ZBTB7C: variants seen among roughly 807,000 people sequenced by gnomAD.
ZBTB7C encodes zinc finger and BTB domain containing 7C.
A neutral mutation model predicts 25.7 loss-of-function variants in ZBTB7C; 8 were observed. The observed-to-expected ratio is 0.31, with a 90% CI of 0.18 to 0.56. The LOEUF (loss-of-function observed/expected upper bound fraction) is 0.56. Among genes scored for constraint, ZBTB7C ranks in the 20% least tolerant of loss-of-function variants. The pLI, the probability that ZBTB7C is intolerant of heterozygous loss-of-function variation, is 0.91. For synonymous variants in ZBTB7C, 394 were observed against 369.0 expected (o/e 1.07, Z -0.78); for missense variants, 824 against 855.2 (o/e 0.96, Z 0.46).
chr18:48,373,275 T>C (rs1197568319), intron 1 of ZBTB7C, among the ~76,000 whole-genome samples: 1 of 151,832 alleles, frequency 6.6e-6, no homozygotes, highest in Admixed American at 6.6e-5. Flanking sequence ...TTAAAAGGTG[T>C]GGCACCTCCT....
chr18:48,390,580 C>T (rs932383147), intron 1 of ZBTB7C, among the ~76,000 whole-genome samples: 9 of 152,224 alleles, frequency 5.9e-5, no homozygotes, highest in African/African-American at 1.4e-4. Flanking sequence ...TGATGATTTC[C>T]TGTCTGTCAC....
intron 2 of ZBTB7C, among the ~76,000 whole-genome samples, chr18:48,221,707 G>A (rs1043628640): frequency 1.4e-5 from 2 of 140,568 alleles, no homozygotes; most frequent in Non-Finnish European, 3.0e-5. Context: ...TCCCTATACT[G>A]TCCAAGTCTC....
intron 2 of ZBTB7C, among the ~76,000 whole-genome samples, chr18:48,263,049 C>G (rs2044215706): frequency 6.6e-6 from 1 of 152,242 alleles, no homozygotes; most frequent in South Asian, 2.1e-4. Flanking sequence ...CTGTTCCTCT[C>G]TGGCCTAGAG....
intron 1 of ZBTB7C, among the ~76,000 whole-genome samples, chr18:48,395,401 G>C (rs2048006148): frequency 7.8e-6 from 1 of 127,984 alleles, no homozygotes. Flanking sequence ...GTGTGTGTGT[G>C]TCAGAGGGGT....
chr18:48,325,817 C>T (rs1366448660), intron 2 of ZBTB7C, among the ~76,000 whole-genome samples: 2 of 152,136 alleles, frequency 1.3e-5, no homozygotes, highest in Non-Finnish European at 2.9e-5. Context: ...TGGAGGGTCA[C>T]TTAGTTCACC....
rs888570650 is a variant in ZBTB7C at position 48,027,507 on chromosome 18, G to T, written c.*1753C>A. On this transcript the variant is annotated 3_prime_UTR_variant, in exon 5 of 5. Transcript: ENST00000590800. ...AAACGAAGACAGGAATCTGAGAGGCGGCTGCCCAGGCAGATGACTTCTGAG... is the reference window on the plus strand; with the variant it reads ...AAACGAAGACAGGAATCTGAGAGGCTGCTGCCCAGGCAGATGACTTCTGAG... The T allele has an allele frequency of 4.6e-5, 7 of 152,200 alleles. No homozygotes were observed. The highest frequency in any genetic ancestry group is 1.7e-4 in the African/African-American group (7 of 41,442). The allele number at this position is 152,200 out of a possible 1,614,324, so 9.4% of individuals were successfully genotyped here. A position where few individuals can be genotyped will look rare whatever the true frequency, so the allele number is the denominator to read the frequency against.
rs1382998754 is a variant in ZBTB7C, at chr18:48,026,766, T to G, written c.*2494A>C. 6.6e-6 allele frequency: 1 copy of G among 151,882 alleles called. No individual in the cohort carries two copies. Among genetic ancestry groups the G allele is most frequent in the Non-Finnish European group, 1.5e-5 (1 of 67,962 alleles). 9.4% of individuals were successfully genotyped at this position (151,882 alleles called of 1,614,324 possible). On this transcript the variant is annotated 3_prime_UTR_variant, in exon 5 of 5. Transcript: ENST00000590800. ...TTTTTTTTTTCTTTGTTAAGGTGTC[T>G]TTGACATTATTTTAAGTTTATGACA...
chr18:48,268,242 T>G (rs1290440165), intron 2 of ZBTB7C, among the ~76,000 whole-genome samples: 1 of 152,194 alleles, frequency 6.6e-6, no homozygotes, highest in Non-Finnish European at 1.5e-5. Flanking sequence ...ATTTATTAAT[T>G]TATTCACTAT....
chr18:48,054,671 G>T (rs138260476), intron 3 of ZBTB7C, among the ~76,000 whole-genome samples: 1 of 152,198 alleles, frequency 6.6e-6, no homozygotes, highest in African/African-American at 2.4e-5. Context: ...CACGAGAACC[G>T]CCTGGCATTT....
At chr18:48,188,265 T>G (rs1242727148) in intron 2 of ZBTB7C, among the ~76,000 whole-genome samples, 1 of 151,516 alleles carries the variant, frequency 6.6e-6, no homozygotes, top group Non-Finnish European at 1.5e-5. Context: ...AGGAGAGAGG[T>G]TTAATTGACT....
At chr18:48,209,271 G>C (rs1379966319) in intron 2 of ZBTB7C, among the ~76,000 whole-genome samples, 1 of 152,138 alleles carries the variant, frequency 6.6e-6, no homozygotes, top group Non-Finnish European at 1.5e-5. Flanking sequence ...CTGGCATCTG[G>C]GAACTTCCAT....
chr18:48,209,659 A>G (rs2042657926), intron 2 of ZBTB7C, among the ~76,000 whole-genome samples: 1 of 152,054 alleles, frequency 6.6e-6, no homozygotes, highest in African/African-American at 2.4e-5. Flanking sequence ...TAGAGACTGA[A>G]GTGGGAGGAT....
At chr18:48,401,984 A>G (rs1176582361) in intron 1 of ZBTB7C, among the ~76,000 whole-genome samples, 2 of 152,178 alleles carry the variant, frequency 1.3e-5, no homozygotes, top group Non-Finnish European at 2.9e-5. Context: ...CCAAGGCCCC[A>G]GAACACACAC....
At chr18:48,148,083 A>C (rs1598970715) in intron 3 of ZBTB7C, 2 of 145,630 alleles carry the variant, frequency 1.4e-5, no homozygotes, top group East Asian at 2.1e-4. Context: ...CACAACCTCC[A>C]CCTCCCGAGT....
intron 3 of ZBTB7C, among the ~76,000 whole-genome samples, chr18:48,181,441 A>T (rs1293157218): frequency 6.6e-6 from 1 of 152,202 alleles, no homozygotes; most frequent in Non-Finnish European, 1.5e-5. Context: ...AGGTACAGCC[A>T]CTATCCTGGG....
At chr18:48,324,198 AAGCATGTAAACAGGGGCCCAACCC>A (rs796769642) in intron 2 of ZBTB7C, among the ~76,000 whole-genome samples, 52 of 152,292 alleles carry the variant, frequency 3.4e-4, no homozygotes, top group African/African-American at 1.2e-3. Flanking sequence ...ATGGACTAAG[AAGCATGTAAACAGGGGCCCAACCC>A]AGCCCAGAGG....
chr18:48,232,426 G>A (rs779751680), intron 2 of ZBTB7C, among the ~76,000 whole-genome samples: 2 of 151,970 alleles, frequency 1.3e-5, no homozygotes, highest in African/African-American at 2.4e-5. Flanking sequence ...TGGCAGCCCC[G>A]AGAAACTAAC....
intron 3 of ZBTB7C, among the ~76,000 whole-genome samples, chr18:48,055,509 G>A (rs953754217): frequency 2.0e-5 from 3 of 151,894 alleles, no homozygotes; most frequent in Admixed American, 6.6e-5. Context: ...TGGGCTGAAC[G>A]GCTGTCTGGG....
At chr18:48,384,329 G>C (rs569767498) in intron 1 of ZBTB7C, among the ~76,000 whole-genome samples, 3 of 152,218 alleles carry the variant, frequency 2.0e-5, no homozygotes, top group African/African-American at 7.2e-5. Context: ...TCATACCTAG[G>C]AGCCAGACTG....
Sources: gnomAD v4.1 joint callset for allele counts (sites outside exome capture counted in the v4.1 genomes callset) on GRCh38, gnomAD v4.1.1 for gene constraint, MANE v1.5 for transcripts, NCBI Gene and HGNC (gene_info 2026-07-23, HGNC 2026-07-21) for gene names.